The following PTH2R variants were observed in gnomAD, a reference collection of about 807,000 sequenced individuals.
PTH2R encodes the protein PTH2 receptor.
Under a neutral mutation model 60.3 loss-of-function variants are expected in PTH2R, and 59 were observed. The ratio of observed to expected loss-of-function variants is 0.98; its 90% CI spans 0.79 to 1.22. The LOEUF (loss-of-function observed/expected upper bound fraction) is 1.22. Among genes scored for constraint, PTH2R ranks in the 50% most tolerant of loss-of-function variants. The pLI is 0.00. For missense variants in PTH2R, 749 were observed against 682.6 expected (o/e 1.10, Z -1.08); for synonymous variants, 256 against 243.8 (o/e 1.05, Z -0.47).
intron 4 of PTH2R, among the ~76,000 whole-genome samples, chr2:208,438,224 G>A (rs1407221291): frequency 6.6e-6 from 1 of 152,124 alleles, no homozygotes; most frequent in African/African-American, 2.4e-5. Flanking sequence ...TTTCTTCTTA[G>A]TTACCTATGA....
intron 1 of PTH2R, among the ~76,000 whole-genome samples, chr2:208,377,277 C>T (rs1700811137): frequency 6.6e-6 from 1 of 152,152 alleles, no homozygotes; most frequent in Non-Finnish European, 1.5e-5. Context: ...CTTCTTTCTA[C>T]ACAGACACAG....
intron 1 of PTH2R, among the ~76,000 whole-genome samples, chr2:208,381,048 A>T (rs1700903811): frequency 6.6e-6 from 1 of 152,164 alleles, no homozygotes; most frequent in South Asian, 2.1e-4. Flanking sequence ...GATATATCAC[A>T]CAATCTGTCT....
intron 9 of PTH2R, 142 bp from the exon 10 acceptor site, chr2:208,480,928 A>G: frequency 1.7e-6 from 1 of 594,278 alleles, no homozygotes; most frequent in African/African-American, 1.9e-5. Flanking sequence ...GCCTTCCAAT[A>G]TCTGATCTCA....
chr2:208,367,136 C>T (rs796430688), intron 1 of PTH2R, among the ~76,000 whole-genome samples: 4 of 151,866 alleles, frequency 2.6e-5, no homozygotes, highest in African/African-American at 9.7e-5. Context: ...CCTTGTTGCC[C>T]AAGTTGGAGT....
intron 1 of PTH2R, among the ~76,000 whole-genome samples, chr2:208,394,481 C>T (rs1407938979): frequency 6.6e-6 from 1 of 152,218 alleles, no homozygotes; most frequent in African/African-American, 2.4e-5. Flanking sequence ...TGGATCCTGG[C>T]ACCCATTTGA....
chr2:208,406,836 C>T lies in PTH2R; in HGVS notation c.-208C>T. On this transcript the variant is annotated 5_prime_UTR_variant, in exon 1 of 13. Transcript: ENST00000272847. ...CCGGAAGACAAGACCAACCTCGCGC[C>T]GCGGCGCAGCAGCACGCGGGTTCTG... The T allele has an allele frequency of 2.5e-6, 1 of 395,810 alleles. No homozygotes were observed. The highest frequency in any genetic ancestry group is 4.5e-6 in the Non-Finnish European group (1 of 224,260). The allele number at this position is 395,810 out of a possible 1,614,324, so 24.5% of individuals were successfully genotyped here.
intron 4 of PTH2R, among the ~76,000 whole-genome samples, chr2:208,441,211 C>T (rs1285562808): frequency 6.6e-6 from 1 of 152,050 alleles, no homozygotes; most frequent in African/African-American, 2.4e-5. Flanking sequence ...CTTACGTTTC[C>T]TATATATTAT....
chr2:208,451,761 A>G (rs1390023661), intron 8 of PTH2R, among the ~76,000 whole-genome samples: 5 of 152,218 alleles, frequency 3.3e-5, no homozygotes, highest in Admixed American at 3.3e-4. Flanking sequence ...TCCAGGTAGC[A>G]TGGAGCTAAT....
chr2:208,428,149 C>G, intron 1 of PTH2R, 52 bp from the exon 2 acceptor site: 1 of 1,377,862 alleles, frequency 7.3e-7, no homozygotes, highest in Non-Finnish European at 1.0e-6. Context: ...AAGCTTGTAT[C>G]CTGGCTTGAA....
intron 10 of PTH2R, among the ~76,000 whole-genome samples, chr2:208,486,819 T>G (rs890562155): frequency 6.6e-6 from 1 of 152,202 alleles, no homozygotes; most frequent in Non-Finnish European, 1.5e-5. Context: ...ACCCACTGTT[T>G]ATCAAGGATC....
In PTH2R at chr2:208,437,573, G is replaced by T. The variant is rs757913275; in HGVS notation, c.215G>T (p.Cys72Phe). 9.9e-6 allele frequency: 16 copies of T among 1,612,850 alleles called. No homozygotes were observed. The highest frequency in any genetic ancestry group is 1.3e-5 in the Non-Finnish European group (15 of 1,179,554). ...TTCCCTGAATGGGATGGACTCATTTGTTGGCCCAGAGGAACAGTGGGGAAA... is the reference window on the plus strand; with the variant it reads ...TTCCCTGAATGGGATGGACTCATTTTTTGGCCCAGAGGAACAGTGGGGAAA... ...NCFPEWDGLI[C>F]WPRGTVGKIS... The change falls in exon 3 of 13, where the codon TGT (cysteine) becomes TTT (phenylalanine). Residue 72 changes from cysteine to phenylalanine, a missense_variant. Cys to Phe is a radical substitution (Grantham distance 205). Coordinates refer to ENST00000272847, the MANE Select transcript of PTH2R (RefSeq NM_005048.4).
intron 1 of PTH2R, among the ~76,000 whole-genome samples, chr2:208,366,060 A>T (rs1256021575): frequency 1.6e-5 from 2 of 127,794 alleles, no homozygotes; most frequent in African/African-American, 6.1e-5. Flanking sequence ...GCTCAAGTGA[A>T]CCTCTCACCT....
chr2:208,422,915 T>C (rs1179058211), intron 1 of PTH2R, among the ~76,000 whole-genome samples: 2 of 152,138 alleles, frequency 1.3e-5, no homozygotes, highest in African/African-American at 4.8e-5. Flanking sequence ...CACTTCCCAC[T>C]CCTCAACTCC....
chr2:208,388,138 C>CG (rs1553541022), intron 1 of PTH2R, among the ~76,000 whole-genome samples: 12 of 149,452 alleles, frequency 8.0e-5, no homozygotes, highest in South Asian at 2.2e-4. Flanking sequence ...TGAAACCCCC[C>CG]CCCCCGTCTC....
chr2:208,412,377 G>A (rs1432837735), intron 1 of PTH2R, among the ~76,000 whole-genome samples: 1 of 152,180 alleles, frequency 6.6e-6, no homozygotes, highest in African/African-American at 2.4e-5. Context: ...CTGCTATTAT[G>A]TGTAGATCTA....
chr2:208,477,970 GTAC>G (rs375512698), intron 9 of PTH2R, among the ~76,000 whole-genome samples: 55 of 28,536 alleles, frequency 1.9e-3, no homozygotes, highest in Middle Eastern at 0.024. Context: ...ACTAGTACTA[GTAC>G]TACTAGCACT....
chr2:208,423,170 G>C (rs1701790842), intron 1 of PTH2R, among the ~76,000 whole-genome samples: 1 of 151,784 alleles, frequency 6.6e-6, no homozygotes, highest in South Asian at 2.1e-4. Flanking sequence ...GGTTCTCGGG[G>C]TGGGAGATTA....
intron 10 of PTH2R, among the ~76,000 whole-genome samples, chr2:208,481,659 G>T (rs187993703): frequency 6.6e-5 from 10 of 152,288 alleles, no homozygotes; most frequent in African/African-American, 2.4e-4. Flanking sequence ...GCTACCCCTT[G>T]TGCTTAAATT....
intron 9 of PTH2R, among the ~76,000 whole-genome samples, chr2:208,475,261 A>C (rs1009311668): frequency 6.6e-6 from 1 of 152,180 alleles, no homozygotes. Flanking sequence ...ATGTATAACT[A>C]ATTTAATGAC....
Sources: gnomAD v4.1 joint callset for allele counts (sites outside exome capture counted in the v4.1 genomes callset) on GRCh38, gnomAD v4.1.1 for gene constraint, MANE v1.5 for transcripts, NCBI Gene and HGNC (gene_info 2026-07-23, HGNC 2026-07-21) for gene names.